Variants in COL15A1 observed in about 807,000 individuals in gnomAD.
The protein encoded by COL15A1 is collagen alpha-1(XV) chain.
In COL15A1, 111 loss-of-function variants were observed where a neutral mutation model predicts 165.9. The observed-to-expected ratio is 0.67, with a 90% CI of 0.57 to 0.78. The LOEUF (loss-of-function observed/expected upper bound fraction) is 0.78, where lower values mean the gene tolerates loss of function less well. Ranked by LOEUF, COL15A1 falls within the 30% of genes least tolerant of loss-of-function variation. The pLI, the probability that COL15A1 is intolerant of heterozygous loss-of-function variation, is 0.00. For missense variants in COL15A1, 1,745 were observed against 1,789.7 expected (o/e 0.98, Z 0.45); for synonymous variants, 659 against 674.8 (o/e 0.98, Z 0.36).
intron 16 of COL15A1, among the ~76,000 whole-genome samples, chr9:99,029,347 A>G (rs550527516): frequency 6.6e-6 from 1 of 152,346 alleles, no homozygotes; most frequent in Admixed American, 6.5e-5. Context: ...GTCATTGTAA[A>G]ATCAGCTTCT....
chr9:99,066,094 A>T (rs1043098111), intron 39 of COL15A1, among the ~76,000 whole-genome samples: 7 of 152,038 alleles, frequency 4.6e-5, no homozygotes, highest in Non-Finnish European at 7.4e-5. Flanking sequence ...TAAGTTGATG[A>T]GATAAAAGTT....
intron 16 of COL15A1, among the ~76,000 whole-genome samples, chr9:99,026,894 G>A (rs1839135790): frequency 6.6e-6 from 1 of 152,160 alleles, no homozygotes; most frequent in Non-Finnish European, 1.5e-5. Flanking sequence ...CTGACATAGA[G>A]CATAGTACTG....
At chr9:99,048,479 T>C (rs1416531108) in intron 28 of COL15A1, among the ~76,000 whole-genome samples, 1 of 152,164 alleles carries the variant, frequency 6.6e-6, no homozygotes, top group Non-Finnish European at 1.5e-5. Flanking sequence ...AAGCCAATGT[T>C]TATTCAGCAG....
At chr9:99,023,273 C>T in intron 13 of COL15A1, 84 bp from the exon 14 acceptor site, 2 of 1,475,950 alleles carry the variant, frequency 1.4e-6, no homozygotes, top group Non-Finnish European at 1.8e-6. Context: ...AAACATTTCC[C>T]CATTTTGGAG....
chr9:98,962,095 G>A (rs1255100518), intron 2 of COL15A1, among the ~76,000 whole-genome samples: 2 of 152,212 alleles, frequency 1.3e-5, no homozygotes, highest in Non-Finnish European at 2.9e-5. Flanking sequence ...CGAAGAGGTC[G>A]GACCAGCGCT....
intron 4 of COL15A1, among the ~76,000 whole-genome samples, chr9:98,987,938 A>T (rs1375874106): frequency 6.9e-6 from 1 of 145,824 alleles, no homozygotes; most frequent in Non-Finnish European, 1.5e-5. Flanking sequence ...GCTGAGTGTG[A>T]TGGGAAAAGG....
intron 19 of COL15A1, 125 bp from the exon 20 acceptor site, chr9:99,036,045 A>G (rs773745658): frequency 6.0e-5 from 46 of 771,478 alleles, no homozygotes; most frequent in Admixed American, 7.3e-5. Flanking sequence ...TTTTTCGCTT[A>G]TTCTTGGTTC....
chr9:99,023,261 G>T, intron 13 of COL15A1, 96 bp from the exon 14 acceptor site: 6 of 1,441,002 alleles, frequency 4.2e-6, no homozygotes, highest in Non-Finnish European at 5.6e-6. Flanking sequence ...ATAGGATATA[G>T]GAAACATTTC....
chr9:99,062,178 T>G (rs1825826629), intron 37 of COL15A1, 67 bp from the exon 38 acceptor site: 1 of 1,601,290 alleles, frequency 6.2e-7, no homozygotes, highest in Admixed American at 1.7e-5. Flanking sequence ...AATGCCATTT[T>G]TTTCTGTTTT....
intron 4 of COL15A1, 33 bp downstream of exon 4, chr9:98,987,401 G>A: frequency 2.6e-6 from 4 of 1,568,176 alleles, no homozygotes; most frequent in Non-Finnish European, 3.5e-6. Context: ...AGTGGGCCCT[G>A]CAACCCCAGC....
chr9:99,062,107 C>T lies in COL15A1; in HGVS notation c.3531+8C>T, dbSNP rs1414107661. 2 of 1,613,798 alleles carry T rather than the reference C, an allele frequency of 1.2e-6. No individual in the cohort carries two copies. Among genetic ancestry groups the T allele is most frequent in the Non-Finnish European group, 1.7e-6 (2 of 1,179,834 alleles). On this transcript the variant is annotated splice_region_variant and intron_variant, in intron 37 of 41. Transcript: ENST00000375001. ...GGCTGGAAAAAATTACAGGTAATTT[C>T]TAAACTTCCTTTAACACACTGCCTT... is the stretch of plus-strand genomic sequence containing the variant.
chr9:99,039,732 G>C (rs1839367943), intron 22 of COL15A1, among the ~76,000 whole-genome samples: 1 of 152,168 alleles, frequency 6.6e-6, no homozygotes. Context: ...ACACCACTCT[G>C]AGCCCCTAAT....
intron 41 of COL15A1, among the ~76,000 whole-genome samples, chr9:99,069,280 T>C (rs1160887020): frequency 6.6e-6 from 1 of 152,184 alleles, no homozygotes; most frequent in Non-Finnish European, 1.5e-5. Flanking sequence ...ACAGGTACCA[T>C]AGGATATACA....
Position 99,070,729 on chromosome 9 carries a change from A to G in COL15A1, c.*843A>G. On this transcript the variant is annotated 3_prime_UTR_variant, in exon 42 of 42. Transcript: ENST00000375001. Reference sequence around the variant, plus strand: ...GAAACATATATCTACATGTTGTATAATTGGATTTTTTTTCCATGTAAGTGA... The same window carrying G: ...GAAACATATATCTACATGTTGTATAGTTGGATTTTTTTTCCATGTAAGTGA... The G allele has an allele frequency of 2.7e-6, 1 of 372,842 alleles. No homozygotes were observed. The highest frequency in any genetic ancestry group is 5.4e-6 in the Non-Finnish European group (1 of 185,278). The allele number at this position is 372,842 out of a possible 1,614,324, so 23.1% of individuals were successfully genotyped here. A position where few individuals can be genotyped will look rare whatever the true frequency, so the allele number is the denominator to read the frequency against.
intron 31 of COL15A1, among the ~76,000 whole-genome samples, 181 bp downstream of exon 31, chr9:99,052,614 C>T (rs1426574163): frequency 6.6e-6 from 1 of 152,188 alleles, no homozygotes; most frequent in African/African-American, 2.4e-5. Context: ...GGTTTGGTCA[C>T]ACATGTGCCT....
intron 39 of COL15A1, among the ~76,000 whole-genome samples, chr9:99,064,965 A>G (rs1362654760): frequency 6.6e-6 from 1 of 152,258 alleles, no homozygotes; most frequent in Non-Finnish European, 1.5e-5. Flanking sequence ...AGAAGAAAAT[A>G]GTAACACACC....
At chr9:99,065,309 G>A (rs79283845) in intron 39 of COL15A1, among the ~76,000 whole-genome samples, 4,215 of 152,208 alleles carry the variant, frequency 0.028, 80 homozygotes, top group Non-Finnish European at 0.043. Flanking sequence ...TCAAGGCCTC[G>A]TGTGATGCAC....
At chr9:98,985,495 C>A in intron 2 of COL15A1, 70 bp from the exon 3 acceptor site, 1 of 1,415,576 alleles carries the variant, frequency 7.1e-7, no homozygotes, top group Non-Finnish European at 9.5e-7. Flanking sequence ...TTTGTGACTG[C>A]GTTTCTTCCT....
At position 98,962,521 on chromosome 9, in the gene COL15A1, AAAAC is replaced by A. The variant is rs1283628585; in HGVS notation, c.100+18277_100+18280del. 3.9e-5 allele frequency among the ~76,000 whole-genome samples: 6 copies of A among 152,382 alleles called. 1 individual carries two copies. Among genetic ancestry groups the A allele is most frequent in the Middle Eastern group, 3.4e-3 (1 of 294 alleles). On this transcript the variant is annotated intron_variant, in intron 2 of 41. Transcript: ENST00000375001. ...TAATTTGGAACATTTTTATATTATT[AAAAC>A]AAACACACACACATGTTTGGAGTGG...
Sources: allele counts gnomAD v4.1 joint callset (sites outside exome capture counted in the v4.1 genomes callset), GRCh38; gene constraint gnomAD v4.1.1; transcripts MANE v1.5; gene names NCBI Gene and HGNC (gene_info 2026-07-23, HGNC 2026-07-21).